ARFGEF1: variants seen among roughly 807,000 people sequenced by gnomAD.
ARFGEF1 encodes brefeldin A-inhibited guanine nucleotide-exchange protein 1.
A neutral mutation model predicts 231.0 loss-of-function variants in ARFGEF1; 42 were observed. That is an observed-to-expected ratio of 0.18 (90% CI 0.14 to 0.24). The LOEUF is 0.24. Ranked by LOEUF, ARFGEF1 falls within the 10% of genes least tolerant of loss-of-function variation. The probability of loss-of-function intolerance (pLI) is 1.00; values close to 1 mark genes in which losing one functional copy is unlikely to be tolerated. For missense variants in ARFGEF1, 1,345 were observed against 2,192.0 expected (o/e 0.61, Z 7.72); for synonymous variants, 710 against 732.3 (o/e 0.97, Z 0.49).
At chr8:67,193,433 G>T, downstream of ARFGEF1, 4 of 1,596,392 alleles carry the variant, frequency 2.5e-6, no homozygotes, top group South Asian at 1.1e-5. Context: ...TTGTGTTAAT[G>T]ACTTTCTGAA....
chr8:67,176,565 T>C (rs1411681612), intron 5 of ARFGEF1, among the ~76,000 whole-genome samples: 1 of 152,198 alleles, frequency 6.6e-6, no homozygotes, highest in African/African-American at 2.4e-5. Flanking sequence ...GAGAAGCAAG[T>C]GCATTCTTCA....
intron 36 of ARFGEF1, among the ~76,000 whole-genome samples, chr8:67,202,599 T>G (rs1313400757): frequency 1.3e-5 from 2 of 152,226 alleles, no homozygotes; most frequent in African/African-American, 4.8e-5. Flanking sequence ...CACTTTGGTT[T>G]ATAATAAAAG....
At chr8:67,320,409 A>G (rs1807531875) in intron 1 of ARFGEF1, among the ~76,000 whole-genome samples, 1 of 152,132 alleles carries the variant, frequency 6.6e-6, no homozygotes, top group Non-Finnish European at 1.5e-5. Context: ...GTTGGTAGAA[A>G]TGCACAATAG....
chr8:67,193,362 G>A, downstream of ARFGEF1: 1 of 1,014,036 alleles, frequency 9.9e-7, no homozygotes, highest in Non-Finnish European at 1.5e-6. Flanking sequence ...TTCCCAAAGT[G>A]CTGGGATCAC....
chr8:67,265,753 A>C (rs1289489121), intron 14 of ARFGEF1, among the ~76,000 whole-genome samples: 3 of 152,188 alleles, frequency 2.0e-5, no homozygotes, highest in Non-Finnish European at 2.9e-5. Context: ...AAAATTGCAC[A>C]GATGATACCC....
At position 67,222,265 on chromosome 8, in the gene ARFGEF1, ATGTAT is replaced by A. The variant is rs1217532057; in HGVS notation, c.4208+2633_4208+2637del. Among the ~76,000 whole-genome samples, 845 of 132,642 alleles carry A rather than the reference ATGTAT, an allele frequency of 6.4e-3. 8 individuals carry two copies. Among genetic ancestry groups the A allele is most frequent in the African/African-American group, 0.023 (802 of 34,968 alleles). 87.0% of individuals were successfully genotyped at this position (132,642 alleles called of 152,430 possible). A position where few individuals can be genotyped will look rare whatever the true frequency, so the allele number is the denominator to read the frequency against. On this transcript the variant is annotated intron_variant, in intron 29 of 38. Transcript: ENST00000262215. ...TATGTATGTATGTATGTATGTATGTATGTATTTTTTTTTTTTTTGAGACAGAGTCT... is the reference window on the plus strand; with the variant it reads ...TATGTATGTATGTATGTATGTATGTATTTTTTTTTTTTTGAGACAGAGTCT...
chr8:67,343,308 C>T lies in ARFGEF1; in HGVS notation c.-21G>A. 1 of 1,608,106 alleles carries T rather than the reference C, an allele frequency of 6.2e-7. No individual in the cohort carries two copies. Among genetic ancestry groups the T allele is most frequent in the East Asian group, 2.2e-5 (1 of 44,662 alleles). On this transcript the variant is annotated 5_prime_UTR_variant, in exon 1 of 39. Transcript: ENST00000262215. The stretch of plus-strand genomic sequence containing the variant: ...TACATGGACGCAGAGAAGGAGGCGG[C>T]GGCTCGTCCGACCCGCGGCTCCCAG...
intron 34 of ARFGEF1, among the ~76,000 whole-genome samples, chr8:67,210,428 G>A (rs899369374): frequency 1.0e-4 from 15 of 148,186 alleles, no homozygotes; most frequent in African/African-American, 2.5e-4. Flanking sequence ...GCAGTGAGCC[G>A]AGATCACACT....
intron 1 of ARFGEF1, among the ~76,000 whole-genome samples, chr8:67,331,254 A>G (rs1808085351): frequency 6.6e-6 from 1 of 152,088 alleles, no homozygotes; most frequent in Admixed American, 6.6e-5. Context: ...CTTATTATAT[A>G]CCCTGCTATG....
chr8:67,194,761 A>AAAAGT (rs1491559578), downstream of ARFGEF1, among the ~76,000 whole-genome samples: 1 of 152,132 alleles, frequency 6.6e-6, no homozygotes, highest in African/African-American at 2.4e-5. Flanking sequence ...AATAATAAAT[A>AAAAGT]AAAGTAAAAT....
chr8:67,315,885 T>G (rs13269351), intron 1 of ARFGEF1, among the ~76,000 whole-genome samples: 4,504 of 150,160 alleles, frequency 0.03, 74 homozygotes, highest in Non-Finnish European at 0.046. Context: ...TAGAAAAAAG[T>G]CCCAAATCTA....
chr8:67,296,923 G>T (rs1426059863), intron 4 of ARFGEF1, among the ~76,000 whole-genome samples: 1 of 151,914 alleles, frequency 6.6e-6, no homozygotes, highest in Non-Finnish European at 1.5e-5. Flanking sequence ...AAGTGCGGGG[G>T]TTACAGGCAT....
intron 1 of ARFGEF1, among the ~76,000 whole-genome samples, chr8:67,329,126 T>C (rs539234432): frequency 1.0e-3 from 156 of 152,234 alleles, no homozygotes; most frequent in Non-Finnish European, 1.9e-3. Flanking sequence ...CCTGGGAGGC[T>C]GAGGCAGGAG....
At chr8:67,195,750 TAAATA>T (rs1424580866), downstream of ARFGEF1, 9 of 610,930 alleles carry the variant, frequency 1.5e-5, no homozygotes, top group African/African-American at 1.7e-4. Flanking sequence ...ATTATGTACA[TAAATA>T]AAAGGCCATG....
intron 1 of ARFGEF1, among the ~76,000 whole-genome samples, chr8:67,331,696 G>A (rs1010683984): frequency 2.0e-5 from 3 of 151,760 alleles, no homozygotes; most frequent in African/African-American, 7.3e-5. Context: ...TAACTATAAA[G>A]AGGAATTTTT....
At chr8:67,338,770 G>A (rs1453748771) in intron 1 of ARFGEF1, among the ~76,000 whole-genome samples, 1 of 152,194 alleles carries the variant, frequency 6.6e-6, no homozygotes, top group African/African-American at 2.4e-5. Context: ...AATTCAGGTA[G>A]CCTGGCTTAC....
chr8:67,193,528 TTGA>T (rs769132057), downstream of ARFGEF1: 1 of 1,612,900 alleles, frequency 6.2e-7, no homozygotes, highest in African/African-American at 1.3e-5. Flanking sequence ...AGTGTAAATG[TTGA>T]TGAGCTTAGA....
At chr8:67,270,726 A>C (rs1345211198) in intron 10 of ARFGEF1, among the ~76,000 whole-genome samples, 1 of 150,726 alleles carries the variant, frequency 6.6e-6, no homozygotes, top group Non-Finnish European at 1.5e-5. Context: ...AAAAAAAAAA[A>C]AAAAAAAACC....
At chr8:67,201,671 G>A (rs948265935) in intron 36 of ARFGEF1, 66 bp from the exon 37 acceptor site, 71 of 1,590,120 alleles carry the variant, frequency 4.5e-5, no homozygotes, top group Middle Eastern at 2.1e-4. Context: ...GAAACAGCCC[G>A]TATGGAGGCA....
Sources: allele counts gnomAD v4.1 joint callset (sites outside exome capture counted in the v4.1 genomes callset), GRCh38; gene constraint gnomAD v4.1.1; transcripts MANE v1.5; gene names NCBI Gene and HGNC (gene_info 2026-07-23, HGNC 2026-07-21).